The following TMCC3 variants were observed in gnomAD, a reference collection of about 807,000 sequenced individuals.
TMCC3 encodes the protein transmembrane and coiled-coil domain protein 3.
Under a neutral mutation model 40.2 loss-of-function variants are expected in TMCC3, and 28 were observed. That is an observed-to-expected ratio of 0.70 (90% CI 0.52 to 0.95). The LOEUF is 0.95. Among genes scored for constraint, TMCC3 ranks in the 40% least tolerant of loss-of-function variants. The pLI is 0.00. For synonymous variants in TMCC3, 255 were observed against 248.5 expected (o/e 1.03, Z -0.25); for missense variants, 554 against 615.2 (o/e 0.90, Z 1.05).
chr12:94,626,136 C>T (rs1266830807), intron 1 of TMCC3, among the ~76,000 whole-genome samples: 1 of 152,128 alleles, frequency 6.6e-6, no homozygotes, highest in Admixed American at 6.5e-5. Context: ...AAAAAACTAC[C>T]ATTTATAAAA....
intron 1 of TMCC3, among the ~76,000 whole-genome samples, chr12:94,633,045 G>A (rs976457739): frequency 2.0e-5 from 3 of 152,172 alleles, no homozygotes; most frequent in Non-Finnish European, 4.4e-5. Context: ...GGTGGAAGAC[G>A]CAGTGGGCCG....
intron 1 of TMCC3, among the ~76,000 whole-genome samples, chr12:94,625,315 T>C (rs2625937): frequency 0.97 from 146,793 of 151,980 alleles, 70,984 homozygotes; most frequent in African/African-American, 0.99. Flanking sequence ...GGGCTGGGCG[T>C]AGTGGCTCAT....
chr12:94,595,611 T>A (rs1261694056), intron 1 of TMCC3, among the ~76,000 whole-genome samples: 1 of 152,172 alleles, frequency 6.6e-6, no homozygotes, highest in Non-Finnish European at 1.5e-5. Flanking sequence ...TACTGGATGA[T>A]TTGCAGTATA....
intron 1 of TMCC3, among the ~76,000 whole-genome samples, chr12:94,634,003 T>C (rs1375143657): frequency 6.6e-6 from 1 of 151,832 alleles, no homozygotes; most frequent in Admixed American, 6.6e-5. Context: ...TGGAGTACAA[T>C]GGTGTGACCT....
chr12:94,571,282 G>C lies in TMCC3; in HGVS notation c.*153C>G, dbSNP rs1290910. 0.67 allele frequency: 522,601 copies of C among 774,620 alleles called. 177,497 individuals are homozygous for C. Among genetic ancestry groups the C allele is most frequent in the African/African-American group, 0.77 (43,673 of 57,034 alleles). 48.0% of individuals were successfully genotyped at this position (774,620 alleles called of 1,614,324 possible). ...CAAGGACTGAGTTGGCAACTGCTAC[G>C]GAGTTAAGAGAATTGTAGTTATTTA... is the stretch of plus-strand genomic sequence containing the variant. On this transcript the variant is annotated 3_prime_UTR_variant, in exon 4 of 4. Transcript: ENST00000261226.
intron 1 of TMCC3, among the ~76,000 whole-genome samples, chr12:94,597,117 T>TAAAAAAAAAAAA (rs1265233755): frequency 5.0e-5 from 4 of 79,298 alleles, no homozygotes; most frequent in African/African-American, 2.1e-4. Context: ...CTGTCTCTAT[T>TAAAAAAAAAAAA]AAAATACATA....
chr12:94,615,018 C>A (rs577024915), intron 1 of TMCC3, among the ~76,000 whole-genome samples: 1 of 152,128 alleles, frequency 6.6e-6, no homozygotes, highest in African/African-American at 2.4e-5. Context: ...CCCTCCTCTC[C>A]CACCCCCAGG....
chr12:94,590,719 C>A (rs557004926), intron 1 of TMCC3: 3 of 337,652 alleles, frequency 8.9e-6, no homozygotes, highest in Non-Finnish European at 1.7e-5. Flanking sequence ...AGAACAGGAG[C>A]TTTTCTATCA....
intron 1 of TMCC3, among the ~76,000 whole-genome samples, chr12:94,617,901 T>C (rs952603105): frequency 2.0e-5 from 3 of 152,168 alleles, no homozygotes; most frequent in Non-Finnish European, 2.9e-5. Context: ...AGAGTGTCTA[T>C]CAAAGTTAAT....
chr12:94,596,186 C>T (rs1284878383), intron 1 of TMCC3, among the ~76,000 whole-genome samples: 2 of 152,136 alleles, frequency 1.3e-5, no homozygotes, highest in African/African-American at 4.8e-5. Context: ...TATGTATAGC[C>T]CCTAGGGTAA....
chr12:94,631,430 C>A (rs2068932991), intron 1 of TMCC3, among the ~76,000 whole-genome samples: 1 of 152,002 alleles, frequency 6.6e-6, no homozygotes, highest in South Asian at 2.1e-4. Flanking sequence ...TGACTGATGA[C>A]CTTATAAGAA....
chr12:94,650,399 TC>T lies in TMCC3; in HGVS notation c.31del (p.Asp11ThrfsTer17). ...CCGGCCGGGGTACGAGTAGGTCCGG[TC>T]CACGGTGAGCGCCGTGTCGCTGCCC... MPGSDTALTV[D>X]RTYSYPGRHH... On this transcript the variant is annotated frameshift_variant, in exon 1 of 4. Transcript: ENST00000261226. LOFTEE classifies it high-confidence loss of function. The T allele has an allele frequency of 7.5e-7, 1 of 1,330,810 alleles. No individual in the cohort carries two copies. The highest frequency in any genetic ancestry group is 9.7e-7 in the Non-Finnish European group (1 of 1,033,140). The allele number at this position is 1,330,810 out of a possible 1,614,324, so 82.4% of individuals were successfully genotyped here. A position where few individuals can be genotyped will look rare whatever the true frequency, so the allele number is the denominator to read the frequency against.
intron 1 of TMCC3, among the ~76,000 whole-genome samples, chr12:94,599,557 C>T (rs1191684213): frequency 2.7e-5 from 2 of 75,232 alleles, no homozygotes; most frequent in Admixed American, 1.4e-4. Flanking sequence ...TTAAAAGATA[C>T]CCCCCCCCCC....
chr12:94,599,914 G>A (rs1370559910), intron 1 of TMCC3, among the ~76,000 whole-genome samples: 2 of 152,104 alleles, frequency 1.3e-5, no homozygotes, highest in East Asian at 1.9e-4. Flanking sequence ...GCATGACCAG[G>A]CACAGTGGCA....
chr12:94,575,148 C>A (rs1251409883), intron 3 of TMCC3, among the ~76,000 whole-genome samples: 3 of 152,218 alleles, frequency 2.0e-5, no homozygotes, highest in African/African-American at 7.2e-5. Context: ...ACCCTGACAT[C>A]CCTGCAGGCA....
intron 1 of TMCC3, among the ~76,000 whole-genome samples, chr12:94,584,182 C>T (rs945687479): frequency 5.3e-5 from 8 of 152,016 alleles, no homozygotes; most frequent in South Asian, 2.1e-4. Flanking sequence ...ATCATGGGGG[C>T]GGATTTCTCA....
At chr12:94,647,368 G>T (rs1247934521) in intron 1 of TMCC3, among the ~76,000 whole-genome samples, 1 of 152,136 alleles carries the variant, frequency 6.6e-6, no homozygotes, top group Non-Finnish European at 1.5e-5. Flanking sequence ...TATTATTCCA[G>T]TCTCAAAGGC....
chr12:94,571,785 G>A (rs201973975), intron 3 of TMCC3, 48 bp from the exon 4 acceptor site: 12 of 1,591,402 alleles, frequency 7.5e-6, no homozygotes, highest in South Asian at 5.6e-5. Context: ...GGGATGGTGA[G>A]CAACACGTGA....
chr12:94,617,024 G>A (rs1298724780), intron 1 of TMCC3, among the ~76,000 whole-genome samples: 1 of 152,184 alleles, frequency 6.6e-6, no homozygotes, highest in East Asian at 1.9e-4. Context: ...TGGATGTAGG[G>A]TGGTCGTGAG....
Sources: allele counts gnomAD v4.1 joint callset (sites outside exome capture counted in the v4.1 genomes callset), GRCh38; gene constraint gnomAD v4.1.1; transcripts MANE v1.5; gene names NCBI Gene and HGNC (gene_info 2026-07-23, HGNC 2026-07-21).